TRPC6: variants seen among roughly 807,000 people sequenced by gnomAD.
The protein encoded by TRPC6 is transient receptor potential cation channel subfamily C member 6.
TRPC6 carries 55 observed loss-of-function variants against 90.7 expected under a neutral mutation model. The ratio of observed to expected loss-of-function variants is 0.61; its 90% CI spans 0.49 to 0.76. TRPC6 has a LOEUF of 0.76. Ranked by LOEUF, TRPC6 falls within the 30% of genes least tolerant of loss-of-function variation. TRPC6 has a pLI of 0.00. For missense variants in TRPC6, 989 were observed against 1,122.7 expected, an observed-to-expected ratio of 0.88 and a Z score of 1.70; for synonymous variants, 393 against 393.0, an observed-to-expected ratio of 1.00 and a Z score of 0.00.
rs1291902284 is a variant in TRPC6 at position 101,583,482 on chromosome 11, CGAACGCCGGGCTCTGGCTCATGGCGG to C, written c.-5_21del. 7 of 1,508,370 alleles carry C rather than the reference CGAACGCCGGGCTCTGGCTCATGGCGG, an allele frequency of 4.6e-6. No homozygotes were observed. The highest frequency in any genetic ancestry group is 1.4e-5 in the African/African-American group (1 of 70,390). 93.4% of individuals were successfully genotyped at this position (1,508,370 alleles called of 1,614,324 possible). On this transcript the variant is annotated start_lost and 5_prime_UTR_variant, in exon 1 of 13. Coordinates refer to ENST00000344327, the MANE Select transcript of TRPC6 (RefSeq NM_004621.6). ...CGGGGAGAACTGCCCCTCCGGGGCC[CGAACGCCGGGCTCTGGCTCATGGCGG>C]GAACGCCCGACTGGCCTGGGCCCCG...
chr11:101,484,274 A>G (rs1859620387), intron 4 of TRPC6, among the ~76,000 whole-genome samples: 2 of 152,336 alleles, frequency 1.3e-5, no homozygotes, highest in South Asian at 4.1e-4. Flanking sequence ...CATAAGTGGT[A>G]GAGCTGGAAC....
chr11:101,582,967 T>G (rs1420722980), intron 1 of TRPC6, among the ~76,000 whole-genome samples: 1 of 152,138 alleles, frequency 6.6e-6, no homozygotes, highest in African/African-American at 2.4e-5. Context: ...CAGCCCCCTG[T>G]TCAGATCCCG....
rs200756064 is a variant in TRPC6, at chr11:101,583,829, C to T, written c.-326G>A. On this transcript the variant is annotated 5_prime_UTR_variant, in exon 1 of 13. Transcript: ENST00000344327. ...CGCTGGTGGTAGCGAAGCGTAAGAG[C>T]GGAGAGCAAGGGAGACGGAGCTGAA... 14 of 302,462 alleles carry T rather than the reference C, an allele frequency of 4.6e-5. No homozygotes were observed. Among genetic ancestry groups the T allele is most frequent in the African/African-American group, 3.0e-4 (14 of 46,332 alleles). The allele number at this position is 302,462 out of a possible 1,614,324, so 18.7% of individuals were successfully genotyped here.
At chr11:101,484,966 T>C (rs1196184241) in intron 4 of TRPC6, among the ~76,000 whole-genome samples, 1 of 152,124 alleles carries the variant, frequency 6.6e-6, no homozygotes. Flanking sequence ...CAAACATCTA[T>C]CATTTCTTTG....
At chr11:101,485,723 C>G (rs1859664711) in intron 4 of TRPC6, among the ~76,000 whole-genome samples, 1 of 152,046 alleles carries the variant, frequency 6.6e-6, no homozygotes, top group African/African-American at 2.4e-5. Context: ...GGACATCATA[C>G]AGTAGAGCGT....
chr11:101,459,710 T>G (rs1471936612), intron 10 of TRPC6, among the ~76,000 whole-genome samples: 1 of 152,200 alleles, frequency 6.6e-6, no homozygotes, highest in Non-Finnish European at 1.5e-5. Flanking sequence ...TTCTCTTATC[T>G]GTCCAGTGAC....
chr11:101,498,467 C>A (rs941364222), intron 2 of TRPC6, among the ~76,000 whole-genome samples: 10 of 152,080 alleles, frequency 6.6e-5, no homozygotes, highest in African/African-American at 2.4e-4. Flanking sequence ...CTGCTTGGAA[C>A]CAGCTATACA....
chr11:101,506,304 C>T (rs1207268170), intron 1 of TRPC6, among the ~76,000 whole-genome samples: 1 of 148,130 alleles, frequency 6.8e-6, no homozygotes, highest in African/African-American at 2.7e-5. Context: ...TAAAAAGATC[C>T]AAGGGCCTCA....
At chr11:101,503,535 T>TA (rs1860179954) in intron 2 of TRPC6, among the ~76,000 whole-genome samples, 1 of 152,168 alleles carries the variant, frequency 6.6e-6, no homozygotes, top group African/African-American at 2.4e-5. Flanking sequence ...CATGTGTGCA[T>TA]TTGTCTCTCT....
At chr11:101,455,149 T>C in intron 10 of TRPC6, 48 bp from the exon 11 acceptor site, 2 of 1,464,278 alleles carry the variant, frequency 1.4e-6, no homozygotes, top group South Asian at 1.1e-5. Flanking sequence ...ACATTTTCTT[T>C]TAAATAAAGT....
chr11:101,572,657 A>T (rs1484504793), intron 1 of TRPC6, among the ~76,000 whole-genome samples: 1 of 152,184 alleles, frequency 6.6e-6, no homozygotes, highest in Non-Finnish European at 1.5e-5. Flanking sequence ...GCACATATAC[A>T]CCATGGAATA....
chr11:101,546,172 C>T (rs1173754146), intron 1 of TRPC6, among the ~76,000 whole-genome samples: 3 of 97,608 alleles, frequency 3.1e-5, no homozygotes, highest in African/African-American at 1.2e-4. Flanking sequence ...CCCGGGTTCA[C>T]GCCATTCTCC....
chr11:101,544,657 A>T (rs1304934654), intron 1 of TRPC6, among the ~76,000 whole-genome samples: 2 of 151,476 alleles, frequency 1.3e-5, no homozygotes, highest in African/African-American at 2.4e-5. Flanking sequence ...ACACGTTCTC[A>T]CTCATAAGTG....
intron 10 of TRPC6, 27 bp from the exon 11 acceptor site, chr11:101,455,128 GATTC>G: frequency 6.4e-7 from 1 of 1,558,830 alleles, no homozygotes; most frequent in East Asian, 2.3e-5. Flanking sequence ...TTTAGAAATG[GATTC>G]CTACTTACAT....
chr11:101,552,181 T>C (rs1393907663), intron 1 of TRPC6, among the ~76,000 whole-genome samples: 6 of 152,092 alleles, frequency 3.9e-5, no homozygotes, highest in African/African-American at 9.7e-5. Flanking sequence ...TTTCAGAACT[T>C]AGAAACTTAG....
intron 1 of TRPC6, among the ~76,000 whole-genome samples, chr11:101,523,536 T>G (rs1221179940): frequency 6.6e-6 from 1 of 152,202 alleles, no homozygotes; most frequent in African/African-American, 2.4e-5. Context: ...ATAGCAGAAA[T>G]AAAATATAGA....
intron 5 of TRPC6, among the ~76,000 whole-genome samples, chr11:101,479,163 G>A (rs1445322779): frequency 3.9e-5 from 6 of 152,158 alleles, no homozygotes; most frequent in South Asian, 2.1e-4. Flanking sequence ...TGCTTGAAAC[G>A]CTCCTTAGTT....
At chr11:101,536,253 G>C (rs575032571) in intron 1 of TRPC6, among the ~76,000 whole-genome samples, 1 of 152,154 alleles carries the variant, frequency 6.6e-6, no homozygotes, top group South Asian at 2.1e-4. Flanking sequence ...CAGGCTTGGT[G>C]GTTCATGCCT....
chr11:101,546,050 C>CCTTTTTTTTTTTTT (rs1861295770), intron 1 of TRPC6, among the ~76,000 whole-genome samples: 1 of 29,694 alleles, frequency 3.4e-5, no homozygotes, highest in African/African-American at 1.3e-4. Flanking sequence ...ATTTATAACT[C>CCTTTTTTTTTTTTT]TTTTTTTTTT....
Sources: gnomAD v4.1 joint callset for allele counts (sites outside exome capture counted in the v4.1 genomes callset) on GRCh38, gnomAD v4.1.1 for gene constraint, MANE v1.5 for transcripts, NCBI Gene and HGNC (gene_info 2026-07-23, HGNC 2026-07-21) for gene names.